The following BMP2K variants were observed in gnomAD, a reference collection of about 807,000 sequenced individuals.
The protein encoded by BMP2K is BMP-2-inducible protein kinase.
BMP2K carries 74 observed loss-of-function variants against 116.0 expected under a neutral mutation model. The observed-to-expected ratio is 0.64, with a 90% CI of 0.53 to 0.77. The LOEUF is 0.77. BMP2K is among the 30% of genes least tolerant of loss of function. The pLI, the probability that BMP2K is intolerant of heterozygous loss-of-function variation, is 0.00. For synonymous variants in BMP2K, 486 were observed against 502.5 expected, an observed-to-expected ratio of 0.97 and a Z score of 0.44; for missense variants, 1,365 against 1,403.6, an observed-to-expected ratio of 0.97 and a Z score of 0.44.
intron 15 of BMP2K, among the ~76,000 whole-genome samples, chr4:78,894,935 G>A (rs1486226356): frequency 6.6e-6 from 1 of 152,184 alleles, no homozygotes; most frequent in Non-Finnish European, 1.5e-5. Flanking sequence ...CCTAAGGAAA[G>A]GGAGAGAGAC....
At chr4:78,864,528 T>C (rs949338024) in intron 9 of BMP2K, among the ~76,000 whole-genome samples, 3 of 151,458 alleles carry the variant, frequency 2.0e-5, no homozygotes, top group Non-Finnish European at 4.4e-5. Context: ...GGCATACATA[T>C]AATTCTAAGA....
intron 7 of BMP2K, chr4:78,859,333 A>T (rs914252469): frequency 6.7e-6 from 2 of 298,966 alleles, no homozygotes; most frequent in East Asian, 1.1e-4. Flanking sequence ...TTTCAATAGA[A>T]TAATCAAGTT....
intron 1 of BMP2K, among the ~76,000 whole-genome samples, chr4:78,823,468 T>G (rs1729720063): frequency 6.7e-6 from 1 of 148,960 alleles, no homozygotes; most frequent in East Asian, 1.9e-4. Flanking sequence ...TTTAGTGCTC[T>G]CTCTCTCATA....
intron 1 of BMP2K, among the ~76,000 whole-genome samples, chr4:78,810,627 G>A (rs772776406): frequency 5.9e-5 from 9 of 152,172 alleles, no homozygotes; most frequent in Non-Finnish European, 1.0e-4. Context: ...CAAGTCTTGG[G>A]CTTTTTGGTG....
chr4:78,844,621 C>G (rs1730910178), intron 4 of BMP2K, among the ~76,000 whole-genome samples: 1 of 151,448 alleles, frequency 6.6e-6, no homozygotes, highest in Non-Finnish European at 1.5e-5. Flanking sequence ...ACAAATCAAC[C>G]TGGGTTGGAA....
chr4:78,909,613 T>C (rs751327387), intron 15 of BMP2K, among the ~76,000 whole-genome samples: 17 of 152,202 alleles, frequency 1.1e-4, no homozygotes, highest in South Asian at 2.1e-4. Flanking sequence ...ATTGCTTTTA[T>C]TGGAAGCTGC....
At chr4:78,859,754 TCA>T (rs1211280117) in intron 8 of BMP2K, 67 bp downstream of exon 8, 1 of 1,132,354 alleles carries the variant, frequency 8.8e-7, no homozygotes. Context: ...ATATTTACTT[TCA>T]GAGTTACTTT....
At chr4:78,866,981 G>A (rs1732083999) in intron 10 of BMP2K, among the ~76,000 whole-genome samples, 2 of 152,094 alleles carry the variant, frequency 1.3e-5, no homozygotes, top group Non-Finnish European at 2.9e-5. Flanking sequence ...GGGGGCCAAG[G>A]CAGGTCGAAT....
At chr4:78,815,331 A>G (rs1207486705) in intron 1 of BMP2K, among the ~76,000 whole-genome samples, 2 of 152,182 alleles carry the variant, frequency 1.3e-5, no homozygotes, top group African/African-American at 2.4e-5. Context: ...GAATTAAATG[A>G]GGTAATTATG....
chr4:78,870,636 A>G, intron 10 of BMP2K, 147 bp from the exon 11 acceptor site: 2 of 1,126,746 alleles, frequency 1.8e-6, no homozygotes, highest in South Asian at 1.7e-5. Context: ...GTAAATCCCT[A>G]TAAACTCTAT....
intron 7 of BMP2K, among the ~76,000 whole-genome samples, chr4:78,853,666 A>G (rs1252887074): frequency 6.6e-6 from 1 of 152,198 alleles, no homozygotes; most frequent in Non-Finnish European, 1.5e-5. Flanking sequence ...CTAGAGCCAA[A>G]CAGCCTTGGA....
chr4:78,861,378 T>C lies in BMP2K; in HGVS notation c.988-11T>C. The C allele has an allele frequency of 6.3e-7, 1 of 1,582,162 alleles. No individual in the cohort carries two copies. Among genetic ancestry groups the C allele is most frequent in the Non-Finnish European group, 8.6e-7 (1 of 1,165,448 alleles). Reference sequence around the variant, plus strand: ...AACTAAAATGAGACGTTTTATTTTTTTTCTTCCAAGAATTCTTCTATTCCT... The same window carrying C: ...AACTAAAATGAGACGTTTTATTTTTCTTCTTCCAAGAATTCTTCTATTCCT... On this transcript the variant is annotated splice_polypyrimidine_tract_variant and intron_variant, in intron 8 of 15. Coordinates refer to ENST00000502613, the MANE Select transcript of BMP2K (RefSeq NM_198892.2).
chr4:78,789,759 G>C (rs577926290), intron 1 of BMP2K, among the ~76,000 whole-genome samples: 1 of 152,314 alleles, frequency 6.6e-6, no homozygotes, highest in Non-Finnish European at 1.5e-5. Flanking sequence ...ATGAAATAGT[G>C]TATTTGTGAA....
intron 1 of BMP2K, among the ~76,000 whole-genome samples, chr4:78,779,768 CTG>C (rs1727416525): frequency 6.6e-6 from 1 of 152,178 alleles, no homozygotes; most frequent in Non-Finnish European, 1.5e-5. Flanking sequence ...TATAACTAAA[CTG>C]TTAAAGTTTT....
chr4:78,880,449 G>T (rs914373557), intron 14 of BMP2K, among the ~76,000 whole-genome samples: 8 of 152,152 alleles, frequency 5.3e-5, no homozygotes, highest in Non-Finnish European at 8.8e-5. Context: ...TAAAGCAAAA[G>T]ATATTAATTT....
chr4:78,861,128 A>G (rs1731758059), intron 8 of BMP2K, among the ~76,000 whole-genome samples: 1 of 151,958 alleles, frequency 6.6e-6, no homozygotes. Flanking sequence ...ACCCAATTAT[A>G]AATGGATACA....
chr4:78,850,768 CA>C, intron 6 of BMP2K, 155 bp from the exon 7 acceptor site: 4 of 638,690 alleles, frequency 6.3e-6, no homozygotes, highest in Non-Finnish European at 9.4e-6. Flanking sequence ...AATGTCTTTT[CA>C]AAAATTAAAT....
intron 10 of BMP2K, among the ~76,000 whole-genome samples, chr4:78,869,660 A>C (rs923366692): frequency 2.0e-5 from 3 of 152,188 alleles, no homozygotes; most frequent in Admixed American, 6.5e-5. Context: ...TTTGCCAATT[A>C]AAAAATAAAA....
intron 1 of BMP2K, among the ~76,000 whole-genome samples, chr4:78,813,219 A>G (rs1420561297): frequency 6.6e-6 from 1 of 152,166 alleles, no homozygotes; most frequent in Non-Finnish European, 1.5e-5. Context: ...AGGAAATCGT[A>G]TCAGGTCTGC....
Sources: gnomAD v4.1 joint callset for allele counts (sites outside exome capture counted in the v4.1 genomes callset) on GRCh38, gnomAD v4.1.1 for gene constraint, MANE v1.5 for transcripts, NCBI Gene and HGNC (gene_info 2026-07-23, HGNC 2026-07-21) for gene names.